The following CMKLR2 variants were observed in gnomAD, a reference collection of about 807,000 sequenced individuals.
CMKLR2 encodes chemerin chemokine-like receptor 2.
A neutral mutation model predicts 23.0 loss-of-function variants in CMKLR2; 18 were observed. The observed-to-expected ratio is 0.78, with a 90% CI of 0.54 to 1.16. The LOEUF (loss-of-function observed/expected upper bound fraction) is 1.16. Among genes scored for constraint, CMKLR2 ranks in the 50% most tolerant of loss-of-function variants. The pLI, the probability that CMKLR2 is intolerant of heterozygous loss-of-function variation, is 0.00. For missense variants in CMKLR2, 401 were observed against 412.7 expected (o/e 0.97, Z 0.25); for synonymous variants, 158 against 158.9 (o/e 0.99, Z 0.05).
upstream of CMKLR2, among the ~76,000 whole-genome samples, chr2:206,215,436 T>C (rs997253489): frequency 5.3e-5 from 8 of 152,156 alleles, no homozygotes; most frequent in African/African-American, 1.7e-4. Flanking sequence ...GCAGGAACCA[T>C]TGAGTAGCAA....
intron 1 of CMKLR2, among the ~76,000 whole-genome samples, chr2:206,196,628 C>T (rs1024972131): frequency 6.6e-6 from 1 of 152,216 alleles, no homozygotes; most frequent in Non-Finnish European, 1.5e-5. Context: ...CACCACTCCC[C>T]TCTTCTCACC....
Position 206,176,314 on chromosome 2 carries a change from G to A in CMKLR2, c.934C>T (p.Gln312Ter). The A allele has an allele frequency of 6.2e-7, 1 of 1,614,148 alleles. No individual in the cohort carries two copies. Among genetic ancestry groups the A allele is most frequent in the Non-Finnish European group, 8.5e-7 (1 of 1,180,028 alleles). The part of the protein sequence containing the change: ...ILYVLISKKF[Q>*]ARFRSSVAEI... The stretch of plus-strand genomic sequence containing the variant: ...GCAACTGAGGACCGGAAGCGAGCTT[G>A]GAACTTCTTACTAATTAGGACATAA... The change falls in exon 2 of 2, where the codon CAA becomes TAA. Residue 312 changes from glutamine to a stop codon, truncating the protein, a stop_gained. Transcript: ENST00000621141. LOFTEE classifies it high-confidence loss of function.
At chr2:206,196,409 A>C (rs554735371) in intron 1 of CMKLR2, among the ~76,000 whole-genome samples, 2 of 152,056 alleles carry the variant, frequency 1.3e-5, no homozygotes, top group South Asian at 4.1e-4. Context: ...TAAATAAATA[A>C]ATAGTGTTTA....
chr2:206,206,735 G>A (rs1689332218), intron 1 of CMKLR2, among the ~76,000 whole-genome samples: 1 of 152,130 alleles, frequency 6.6e-6, no homozygotes, highest in Non-Finnish European at 1.5e-5. Flanking sequence ...CTGGCAAACT[G>A]TAGGGCTCAA....
At position 206,176,291 on chromosome 2, in the gene CMKLR2, A is replaced by C. The variant is rs1193908879; in HGVS notation, c.957T>G (p.Val319=). The change falls in exon 2 of 2, where the codon GTT becomes GTG. Residue 319 remains valine (V), a synonymous_variant. Coordinates refer to ENST00000621141, the MANE Select transcript of CMKLR2 (RefSeq NM_001389445.1). ...KKFQARFRSS[V]AEILKYTLWE... Reference sequence around the variant, plus strand: ...ACAGTGTGTACTTGAGTATCTCAGCAACTGAGGACCGGAAGCGAGCTTGGA... The same window carrying C: ...ACAGTGTGTACTTGAGTATCTCAGCCACTGAGGACCGGAAGCGAGCTTGGA... 7 of 1,614,056 alleles carry C rather than the reference A, an allele frequency of 4.3e-6. No homozygotes were observed. Among genetic ancestry groups the C allele is most frequent in the Non-Finnish European group, 5.9e-6 (7 of 1,180,032 alleles).
chr2:206,209,744 G>A (rs1356749451), intron 1 of CMKLR2, among the ~76,000 whole-genome samples: 1 of 150,576 alleles, frequency 6.6e-6, no homozygotes, highest in African/African-American at 2.4e-5. Context: ...CGCCTCCCGG[G>A]TTCACGCCAT....
In CMKLR2 at chr2:206,206,935, T is replaced by TTTA. The variant is rs55762417; in HGVS notation, c.-29+6371_-29+6372insTAA. 2.0e-5 allele frequency among the ~76,000 whole-genome samples: 3 copies of TTTA among 150,180 alleles called. No homozygotes were observed. In the East Asian group the frequency reaches 5.9e-4, roughly 29 times the overall value. ...CCTGCCCCTTTTTTTTTTTTTTTTTTAATCAAAAGCATTAAAAGAATGTTG... is the reference window on the plus strand; with the variant it reads ...CCTGCCCCTTTTTTTTTTTTTTTTTTTTAAATCAAAAGCATTAAAAGAATGTTG... On this transcript the variant is annotated intron_variant, in intron 1 of 1. Transcript: ENST00000621141.
At chr2:206,197,066 C>G (rs1054071871) in intron 1 of CMKLR2, among the ~76,000 whole-genome samples, 13 of 152,112 alleles carry the variant, frequency 8.5e-5, no homozygotes, top group African/African-American at 3.1e-4. Flanking sequence ...CGCACCACCA[C>G]GCCCAGCTAA....
chr2:206,208,466 C>T (rs559244446), intron 1 of CMKLR2, among the ~76,000 whole-genome samples: 1 of 151,906 alleles, frequency 6.6e-6, no homozygotes, highest in Non-Finnish European at 1.5e-5. Flanking sequence ...CCCAGAAGGT[C>T]GAGGTTACAG....
At chr2:206,210,521 C>T (rs546526529) in intron 1 of CMKLR2, among the ~76,000 whole-genome samples, 1 of 150,688 alleles carries the variant, frequency 6.6e-6, no homozygotes, top group Admixed American at 6.6e-5. Flanking sequence ...TGCAATGGCA[C>T]AATCTTGGCT....
chr2:206,200,205 C>T (rs1050721718), intron 1 of CMKLR2, among the ~76,000 whole-genome samples: 2 of 151,898 alleles, frequency 1.3e-5, no homozygotes, highest in African/African-American at 2.4e-5. Context: ...GGGCGGATCA[C>T]CTGAGGTCAG....
At chr2:206,197,174 C>T (rs1054205542) in intron 1 of CMKLR2, among the ~76,000 whole-genome samples, 3 of 152,166 alleles carry the variant, frequency 2.0e-5, no homozygotes, top group African/African-American at 7.2e-5. Context: ...TCCCAAAGTG[C>T]TGGGATTACA....
intron 1 of CMKLR2, among the ~76,000 whole-genome samples, chr2:206,206,358 T>C (rs1377720578): frequency 6.6e-6 from 1 of 152,198 alleles, no homozygotes; most frequent in African/African-American, 2.4e-5. Context: ...AAAGGCCATG[T>C]TTAATGTTAT....
chr2:206,195,661 A>G (rs1296381985), intron 1 of CMKLR2, among the ~76,000 whole-genome samples: 1 of 152,250 alleles, frequency 6.6e-6, no homozygotes. Context: ...GAATTTATAA[A>G]AACTCTTCAG....
chr2:206,203,103 G>A (rs1005092205), intron 1 of CMKLR2, among the ~76,000 whole-genome samples: 1 of 149,250 alleles, frequency 6.7e-6, no homozygotes, highest in African/African-American at 2.5e-5. Flanking sequence ...ATCATTTGAG[G>A]TCAGGAGTTC....
At chr2:206,199,293 C>T (rs1015033634) in intron 1 of CMKLR2, among the ~76,000 whole-genome samples, 1 of 152,100 alleles carries the variant, frequency 6.6e-6, no homozygotes, top group African/African-American at 2.4e-5. Flanking sequence ...CCCAGCTACT[C>T]GGAGGCTGAG....
At chr2:206,200,028 A>C (rs1318924932) in intron 1 of CMKLR2, among the ~76,000 whole-genome samples, 1 of 152,186 alleles carries the variant, frequency 6.6e-6, no homozygotes, top group East Asian at 1.9e-4. Flanking sequence ...AGTCATTTTA[A>C]TTTACTTAAT....
intron 1 of CMKLR2, among the ~76,000 whole-genome samples, chr2:206,194,744 C>CTTTT (rs745647131): frequency 1.2e-4 from 9 of 76,820 alleles, no homozygotes; most frequent in East Asian, 5.0e-4. Flanking sequence ...CCATCATAGA[C>CTTTT]TTTTTTTTTT....
chr2:206,186,411 G>A (rs913582955), intron 1 of CMKLR2, among the ~76,000 whole-genome samples: 5 of 152,052 alleles, frequency 3.3e-5, no homozygotes, highest in East Asian at 3.9e-4. Context: ...GCGCCCGGCC[G>A]GAATGGGCTT....
Sources: gnomAD v4.1 joint callset for allele counts (sites outside exome capture counted in the v4.1 genomes callset) on GRCh38, gnomAD v4.1.1 for gene constraint, MANE v1.5 for transcripts, NCBI Gene and HGNC (gene_info 2026-07-23, HGNC 2026-07-21) for gene names.